WDR27: variants seen among roughly 807,000 people sequenced by gnomAD.
WDR27 encodes the protein WD repeat-containing protein 27.
In WDR27, 100 loss-of-function variants were observed where a neutral mutation model predicts 114.4. The observed-to-expected ratio is 0.87, with a 90% CI of 0.74 to 1.03. The LOEUF (loss-of-function observed/expected upper bound fraction) is 1.03, where lower values mean the gene tolerates loss of function less well. Among genes scored for constraint, WDR27 ranks in the 50% least tolerant of loss-of-function variants. The pLI, the probability that WDR27 is intolerant of heterozygous loss-of-function variation, is 0.00. For synonymous variants in WDR27, 449 were observed against 423.1 expected (o/e 1.06, Z -0.75); for missense variants, 1,129 against 1,092.9 (o/e 1.03, Z -0.47).
At chr6:169,518,530 A>C (rs1793969738) in intron 25 of WDR27, among the ~76,000 whole-genome samples, 1 of 152,198 alleles carries the variant, frequency 6.6e-6, no homozygotes, top group African/African-American at 2.4e-5. Flanking sequence ...TGGAGCTAGA[A>C]TGGCCTAGAT....
intron 25 of WDR27, among the ~76,000 whole-genome samples, chr6:169,571,886 T>C (rs1315771062): frequency 1.3e-5 from 2 of 151,956 alleles, no homozygotes; most frequent in Non-Finnish European, 2.9e-5. Context: ...CAGGGGAGGT[T>C]TGGAGGGAGA....
chr6:169,662,662 G>A (rs539180214), intron 8 of WDR27, among the ~76,000 whole-genome samples: 17 of 143,192 alleles, frequency 1.2e-4, no homozygotes, highest in Non-Finnish European at 2.1e-4. Context: ...CGCATGCACC[G>A]CGGAGCATTC....
intron 25 of WDR27, among the ~76,000 whole-genome samples, chr6:169,510,055 GA>G (rs1298073217): frequency 2.0e-5 from 3 of 152,194 alleles, no homozygotes; most frequent in Non-Finnish European, 2.9e-5. Flanking sequence ...GGCCATCAGA[GA>G]AATGCAAATC....
intron 24 of WDR27, among the ~76,000 whole-genome samples, chr6:169,574,391 A>C (rs1174468112): frequency 6.6e-6 from 1 of 152,210 alleles, no homozygotes; most frequent in African/African-American, 2.4e-5. Flanking sequence ...GAGGCTCAAA[A>C]CTTTAGTTTT....
intron 25 of WDR27, among the ~76,000 whole-genome samples, chr6:169,564,705 C>CAA (rs1800177113): frequency 6.6e-6 from 1 of 151,802 alleles, no homozygotes; most frequent in South Asian, 2.1e-4. Flanking sequence ...CTGGCTCCCA[C>CAA]GAGACTCTCA....
At chr6:169,481,677 C>T (rs1227156220) in intron 25 of WDR27, among the ~76,000 whole-genome samples, 1 of 152,178 alleles carries the variant, frequency 6.6e-6, no homozygotes, top group African/African-American at 2.4e-5. Context: ...TCTGCAGCTT[C>T]ACTTCTGAAG....
At chr6:169,583,501 ATATG>A (rs1348377403) in intron 23 of WDR27, among the ~76,000 whole-genome samples, 4,872 of 23,782 alleles carry the variant, frequency 0.2, 546 homozygotes, top group East Asian at 0.5. Context: ...ATATATATAT[ATATG>A]TATATATACA....
At chr6:169,579,954 C>T (rs1322536073) in intron 24 of WDR27, among the ~76,000 whole-genome samples, 6 of 152,200 alleles carry the variant, frequency 3.9e-5, no homozygotes, top group Non-Finnish European at 8.8e-5. Context: ...CTGTAAAATT[C>T]TGAACAGTTG....
chr6:169,461,871 T>C (rs1784949133), intron 25 of WDR27, among the ~76,000 whole-genome samples: 2 of 151,906 alleles, frequency 1.3e-5, no homozygotes, highest in African/African-American at 4.8e-5. Flanking sequence ...TCTAACTATA[T>C]GGACTAAGAA....
chr6:169,694,113 T>A (rs986602683), intron 1 of WDR27, among the ~76,000 whole-genome samples: 10 of 151,990 alleles, frequency 6.6e-5, no homozygotes, highest in African/African-American at 2.2e-4. Flanking sequence ...TTTGAGACCA[T>A]CCTGACCAAC....
chr6:169,667,121 A>G lies in WDR27; in HGVS notation c.712+15T>C. ...CACAACCTATTTACAGAAAACATGA[A>G]AGTTTTAAATTTACCTGATAACACA... On this transcript the variant is annotated intron_variant, in intron 6 of 25. Transcript: ENST00000448612. The G allele has an allele frequency of 2.7e-6, 4 of 1,509,218 alleles. No individual in the cohort carries two copies. The highest frequency in any genetic ancestry group is 3.5e-6 in the Non-Finnish European group (4 of 1,131,458). 93.5% of individuals were successfully genotyped at this position (1,509,218 alleles called of 1,614,324 possible).
At chr6:169,527,278 T>C (rs1795066618) in intron 25 of WDR27, among the ~76,000 whole-genome samples, 1 of 152,232 alleles carries the variant, frequency 6.6e-6, no homozygotes, top group Non-Finnish European at 1.5e-5. Context: ...AACTGTGGTA[T>C]ATCCATACTT....
intron 6 of WDR27, chr6:169,666,863 C>T (rs1187557260): frequency 1.0e-6 from 1 of 985,358 alleles, no homozygotes; most frequent in African/African-American, 1.7e-5. Context: ...GGTACTCAGG[C>T]ATTTTATCTG....
intron 25 of WDR27, among the ~76,000 whole-genome samples, chr6:169,471,768 A>G (rs1786427804): frequency 6.6e-6 from 1 of 152,204 alleles, no homozygotes; most frequent in Non-Finnish European, 1.5e-5. Context: ...GGGCTGCTAT[A>G]AAAAATACCT....
chr6:169,652,389 C>T (rs932777592), intron 13 of WDR27, among the ~76,000 whole-genome samples: 5 of 152,214 alleles, frequency 3.3e-5, no homozygotes, highest in African/African-American at 1.2e-4. Flanking sequence ...GCTGGGATTA[C>T]AGGCACACGC....
intron 21 of WDR27, among the ~76,000 whole-genome samples, chr6:169,623,262 A>T (rs945018719): frequency 6.6e-6 from 1 of 152,120 alleles, no homozygotes; most frequent in East Asian, 1.9e-4. Context: ...TTCACCTCTG[A>T]CCTGACCAAT....
chr6:169,676,685 A>G (rs1162404151), intron 2 of WDR27, among the ~76,000 whole-genome samples: 1 of 152,136 alleles, frequency 6.6e-6, no homozygotes, highest in African/African-American at 2.4e-5. Context: ...TAACCCAGAC[A>G]TTCCTTCTAT....
rs549221845 is a variant in WDR27, at chr6:169,631,375, C to A, written c.2223+1572G>T. 3.3e-5 allele frequency among the ~76,000 whole-genome samples: 5 copies of A among 152,076 alleles called. No homozygotes were observed. The East Asian group carries it at 9.6e-4, about 29-fold the overall frequency. On this transcript the variant is annotated intron_variant, in intron 21 of 25. Coordinates refer to ENST00000448612, the MANE Select transcript of WDR27 (RefSeq NM_182552.5). ...CATGGTGTTATTCAAACCAGAAAAG[C>A]CTTCTCCTATTGAAACTTGAAATGT...
the WDR27 span, among the ~76,000 whole-genome samples, chr6:169,427,293 G>A: frequency 2.0e-5 from 3 of 152,140 alleles, no homozygotes; most frequent in African/African-American, 7.2e-5. Flanking sequence ...CTATTGGAAG[G>A]CAGAGTCAAG....
Sources: gnomAD v4.1 joint callset for allele counts (sites outside exome capture counted in the v4.1 genomes callset) on GRCh38, gnomAD v4.1.1 for gene constraint, MANE v1.5 for transcripts, NCBI Gene and HGNC (gene_info 2026-07-23, HGNC 2026-07-21) for gene names.